DNAJC9: variants seen among roughly 807,000 people sequenced by gnomAD.
The protein encoded by DNAJC9 is dnaJ homolog subfamily C member 9.
Under a neutral mutation model 32.4 loss-of-function variants are expected in DNAJC9, and 18 were observed. The ratio of observed to expected loss-of-function variants is 0.56; its 90% CI spans 0.38 to 0.82. The LOEUF (loss-of-function observed/expected upper bound fraction) is 0.82, where lower values mean the gene tolerates loss of function less well. DNAJC9 is among the 40% of genes least tolerant of loss of function. The pLI is 0.00. For synonymous variants in DNAJC9, 113 were observed against 122.1 expected (o/e 0.93, Z 0.49); for missense variants, 310 against 321.8 (o/e 0.96, Z 0.28).
Position 73,243,844 on chromosome 10 carries a change from T to G in DNAJC9, c.662A>C (p.Gln221Pro), listed in dbSNP as rs768354123. 6.2e-7 allele frequency: 1 copy of G among 1,612,290 alleles called. No individual in the cohort carries two copies. Among genetic ancestry groups the G allele is most frequent in the South Asian group, 1.1e-5 (1 of 90,548 alleles). Residue 221 changes from glutamine to proline, a missense_variant and splice_region_variant, in exon 4 of 5, where the codon CAG becomes CCG. Physicochemically the swap from Gln to Pro is moderately conservative, Grantham distance 76 (BLOSUM62 -1). Coordinates refer to ENST00000372950, the MANE Select transcript of DNAJC9 (RefSeq NM_015190.5). ...GTGGCAACAAACTGCCAAGTTTACC[T>G]GAATGGCTGCCTTCAGGCTATCCAC... The part of the protein sequence containing the change: ...EGVDSLKAAI[Q>P]SRQKDRQKEM...
downstream of DNAJC9, chr10:73,240,880 C>A: frequency 1.1e-6 from 1 of 945,348 alleles, no homozygotes. Flanking sequence ...AAGCCCTTAG[C>A]TATAAACTTG....
chr10:73,234,990 G>T, downstream of DNAJC9: 1 of 1,540,464 alleles, frequency 6.5e-7, no homozygotes. Context: ...ACAACCTAAT[G>T]GGCAGTAATT....
downstream of DNAJC9, chr10:73,239,443 T>C (rs2043895112): frequency 7.7e-7 from 1 of 1,304,718 alleles, no homozygotes; most frequent in Non-Finnish European, 1.1e-6. Context: ...GACCCAGCCT[T>C]TGTCTTTTTT....
At chr10:73,235,029 T>C (rs2043791317), downstream of DNAJC9, 1 of 1,499,922 alleles carries the variant, frequency 6.7e-7, no homozygotes, top group East Asian at 2.5e-5. Flanking sequence ...GATCTTGATT[T>C]ATACTGTGTT....
chr10:73,240,617 C>T (rs962648396), downstream of DNAJC9, among the ~76,000 whole-genome samples: 8 of 151,046 alleles, frequency 5.3e-5, no homozygotes, highest in African/African-American at 1.2e-4. Flanking sequence ...GGGACTGAGG[C>T]AGGAGAATGA....
chr10:73,243,242 G>A lies in DNAJC9; in HGVS notation c.*158C>T. On this transcript the variant is annotated 3_prime_UTR_variant, in exon 5 of 5. Coordinates refer to ENST00000372950, the MANE Select transcript of DNAJC9 (RefSeq NM_015190.5). ...GCTTTCTAGGAAATACTAAGATCAG[G>A]TTGAGAGATTCTGCTTGGTCTAGTC... 1.4e-6 allele frequency: 1 copy of A among 732,018 alleles called. No homozygotes were observed. Among genetic ancestry groups the A allele is most frequent in the South Asian group, 1.8e-5 (1 of 56,808 alleles). 45.3% of individuals were successfully genotyped at this position (732,018 alleles called of 1,614,324 possible).
chr10:73,237,638 T>C (rs2043850516), downstream of DNAJC9, among the ~76,000 whole-genome samples: 1 of 152,200 alleles, frequency 6.6e-6, no homozygotes. Context: ...CCCAGGCTGG[T>C]CTTGAACTTC....
At chr10:73,235,400 A>G (rs1395009644), downstream of DNAJC9, 6 of 1,532,206 alleles carry the variant, frequency 3.9e-6, no homozygotes, top group Non-Finnish European at 4.4e-6. Context: ...CAGACTTAAG[A>G]TTTTATCTAG....
downstream of DNAJC9, among the ~76,000 whole-genome samples, chr10:73,237,690 G>A (rs1248232038): frequency 6.6e-6 from 1 of 152,102 alleles, no homozygotes; most frequent in East Asian, 1.9e-4. Context: ...CCAAAGTGCT[G>A]GGATTACAGG....
chr10:73,244,254 G>C, intron 3 of DNAJC9: 1 of 243,898 alleles, frequency 4.1e-6, no homozygotes, highest in Non-Finnish European at 7.9e-6. Context: ...CCCATACCTT[G>C]GGAGGCCAAG....
chr10:73,234,887 A>G (rs892793497), downstream of DNAJC9: 16 of 1,551,796 alleles, frequency 1.0e-5, no homozygotes, highest in East Asian at 1.2e-4. Context: ...GCTACCACCT[A>G]TTGGCACAGC....
rs747021758 is a variant in DNAJC9, at chr10:73,246,738, G to C, written c.271C>G (p.Leu91Val). 1.2e-6 allele frequency: 2 copies of C among 1,613,976 alleles called. No individual in the cohort carries two copies. Among genetic ancestry groups the C allele is most frequent in the Non-Finnish European group, 1.7e-6 (2 of 1,179,958 alleles). Residue 91 changes from leucine (L) to valine (V), a missense_variant, in exon 2 of 5, where the codon CTC becomes GTC. Coordinates refer to ENST00000372950, the MANE Select transcript of DNAJC9 (RefSeq NM_015190.5). ...QGTVDEDSPV[L>V]TQDRDWEAYW... is the part of the protein sequence containing the mutation. ...GCCTCCCAGTCTCGGTCTTGGGTGA[G>C]CACAGGAGAGTCCTCGTCCACTGTT...
rs763949736 is a variant in DNAJC9 at position 73,247,194 on chromosome 10, G to A, written c.-5C>T. On this transcript the variant is annotated 5_prime_UTR_variant, in exon 1 of 5. Coordinates refer to ENST00000372950, the MANE Select transcript of DNAJC9 (RefSeq NM_015190.5). The stretch of plus-strand genomic sequence containing the variant: ...GCAAAGGTCCAGCAGCCCCATGCCG[G>A]GCGGAGATACGACCCCGGAGGAAGC... The A allele has an allele frequency of 3.8e-6, 6 of 1,587,524 alleles. No individual in the cohort carries two copies. The East Asian group carries it at 7.0e-5, about 19-fold the overall frequency.
chr10:73,238,193 G>A (rs774888515), downstream of DNAJC9, among the ~76,000 whole-genome samples: 43 of 151,986 alleles, frequency 2.8e-4, no homozygotes, highest in Middle Eastern at 3.2e-3. Flanking sequence ...AAAAATACAA[G>A]AAAATTAGCC....
chr10:73,232,894 C>A, intron 2 of DNAJC9: 2 of 1,146,172 alleles, frequency 1.7e-6, no homozygotes, highest in Non-Finnish European at 2.6e-6. Context: ...TCTTCCTTGA[C>A]ATACTGATCT....
downstream of DNAJC9, among the ~76,000 whole-genome samples, chr10:73,240,516 T>A (rs558006667): frequency 1.3e-5 from 2 of 152,056 alleles, no homozygotes; most frequent in Non-Finnish European, 2.9e-5. Context: ...ATTGAGACCA[T>A]CCTGGCTAAC....
chr10:73,233,746 G>T (rs1055904914), intron 2 of DNAJC9, among the ~76,000 whole-genome samples: 4 of 152,114 alleles, frequency 2.6e-5, no homozygotes, highest in African/African-American at 9.7e-5. Context: ...ACTATATTGG[G>T]GTTACAAAAG....
chr10:73,235,826 C>G (rs1283543657), downstream of DNAJC9, among the ~76,000 whole-genome samples: 1 of 152,154 alleles, frequency 6.6e-6, no homozygotes, highest in East Asian at 1.9e-4. Context: ...CACCACTGTA[C>G]CCAGCTTAGG....
chr10:73,235,109 A>C, downstream of DNAJC9: 1 of 1,479,632 alleles, frequency 6.8e-7, no homozygotes, highest in African/African-American at 1.4e-5. Context: ...CACTTACCAT[A>C]TCTGCCATGG....
Sources: allele counts gnomAD v4.1 joint callset (sites outside exome capture counted in the v4.1 genomes callset), GRCh38; gene constraint gnomAD v4.1.1; transcripts MANE v1.5; gene names NCBI Gene and HGNC (gene_info 2026-07-23, HGNC 2026-07-21).